Variants in DCC observed in about 807,000 individuals in gnomAD.
The protein encoded by DCC is netrin receptor DCC.
DCC carries 58 observed loss-of-function variants against 172.5 expected under a neutral mutation model. The ratio of observed to expected loss-of-function variants is 0.34; its 90% CI spans 0.27 to 0.42. The LOEUF (loss-of-function observed/expected upper bound fraction) is 0.42, where lower values mean the gene tolerates loss of function less well. DCC is among the 10% of genes least tolerant of loss of function. DCC has a pLI of 1.00. For missense variants in DCC, 1,740 were observed against 1,791.0 expected, an observed-to-expected ratio of 0.97 and a Z score of 0.51; for synonymous variants, 709 against 644.5, an observed-to-expected ratio of 1.10 and a Z score of -1.52.
intron 1 of DCC, among the ~76,000 whole-genome samples, chr18:52,365,145 C>G (rs1598864538): frequency 6.6e-6 from 1 of 152,180 alleles, no homozygotes; most frequent in African/African-American, 2.4e-5. Context: ...CTTCCTTGCT[C>G]TCTGATCTTA....
At chr18:53,275,815 C>G (rs1254996053) in intron 12 of DCC, among the ~76,000 whole-genome samples, 9 of 152,026 alleles carry the variant, frequency 5.9e-5, no homozygotes, top group African/African-American at 2.2e-4. Context: ...ATGTTATTGA[C>G]TATAATTTTT....
intron 9 of DCC, among the ~76,000 whole-genome samples, chr18:53,201,123 C>T (rs533823354): frequency 6.6e-5 from 10 of 152,260 alleles, no homozygotes; most frequent in Non-Finnish European, 1.3e-4. Flanking sequence ...CTCCCTTTCC[C>T]TTCCCCCAGA....
At chr18:52,893,537 T>C (rs570949263) in intron 2 of DCC, among the ~76,000 whole-genome samples, 2 of 152,256 alleles carry the variant, frequency 1.3e-5, no homozygotes, top group South Asian at 2.1e-4. Flanking sequence ...AATAGGGAAA[T>C]GTCTTGCCAA....
intron 1 of DCC, among the ~76,000 whole-genome samples, chr18:52,541,891 ATATATGTG>A (rs2032469089): frequency 8.6e-6 from 1 of 115,798 alleles, no homozygotes; most frequent in Non-Finnish European, 1.9e-5. Flanking sequence ...ATATATATAT[ATATATGTG>A]TATATATATA....
rs1380135250 is a variant in DCC at position 53,305,676 on chromosome 18, G to C, written c.2010G>C (p.Glu670Asp). ...IRHRKTTRRG[E>D]METLEPNNLW... Reference sequence around the variant, plus strand: ...ACAGAAAGACGACCCGCAGGGGTGAGATGGAAACACTGGAGCCAAACAACC... The same window carrying C: ...ACAGAAAGACGACCCGCAGGGGTGACATGGAAACACTGGAGCCAAACAACC... The change falls in exon 13 of 29, where the codon GAG becomes GAC. Residue 670 changes from glutamate (E) to aspartate (D), a missense_variant. Physicochemically the swap from Glu to Asp is conservative, Grantham distance 45 (BLOSUM62 2). This residue lies in a region of DCC where 1,732 missense variants were observed against 1,767.4 expected (regional missense o/e 0.98). Coordinates refer to ENST00000442544, the MANE Select transcript of DCC (RefSeq NM_005215.4). The C allele has an allele frequency of 3.7e-6, 6 of 1,613,934 alleles. No individual in the cohort carries two copies. The highest frequency in any genetic ancestry group is 2.2e-5 in the South Asian group (2 of 91,078).
At chr18:52,704,295 A>G (rs2036171522) in intron 1 of DCC, among the ~76,000 whole-genome samples, 1 of 152,122 alleles carries the variant, frequency 6.6e-6, no homozygotes, top group African/African-American at 2.4e-5. Context: ...CCCTTACAAC[A>G]TGGATAGTCC....
chr18:52,950,925 G>A (rs1263379121), intron 5 of DCC, among the ~76,000 whole-genome samples: 26 of 75,762 alleles, frequency 3.4e-4, no homozygotes, highest in Middle Eastern at 7.0e-3. Context: ...GTGAGACTCC[G>A]TCTCAAAAAA....
intron 5 of DCC, among the ~76,000 whole-genome samples, chr18:52,951,879 C>T (rs1453966491): frequency 2.6e-5 from 4 of 152,222 alleles, no homozygotes; most frequent in Admixed American, 6.5e-5. Flanking sequence ...TGCTTATTTC[C>T]ATGATAAGGA....
rs573734750 is a variant in DCC, at chr18:52,752,244, T to G, written c.282T>G (p.Asn94Lys). ...ATGAAAGGAAGCAGCAACTTTCAAA[T>G]GGGTCTCTGCTGATACAAAACATAC... is the stretch of plus-strand genomic sequence containing the variant. ...GMDERKQQLS[N>K]GSLLIQNILH... Residue 94 changes from asparagine to lysine, a missense_variant, in exon 2 of 29, where the codon AAT (asparagine) becomes AAG (lysine). By Grantham distance (94) the Asn-to-Lys change is moderately conservative (BLOSUM62 0). Transcript: ENST00000442544. 1 of 1,614,170 alleles carries G rather than the reference T, an allele frequency of 6.2e-7. No homozygotes were observed. The highest frequency in any genetic ancestry group is 1.1e-5 in the South Asian group (1 of 91,086).
intron 12 of DCC, among the ~76,000 whole-genome samples, chr18:53,229,538 T>G (rs1363024948): frequency 6.6e-6 from 1 of 152,096 alleles, no homozygotes; most frequent in Non-Finnish European, 1.5e-5. Flanking sequence ...AATACACATC[T>G]CCTCCCAGCT....
intron 15 of DCC, among the ~76,000 whole-genome samples, chr18:53,348,577 A>G (rs1283439060): frequency 6.6e-6 from 1 of 152,126 alleles, no homozygotes; most frequent in African/African-American, 2.4e-5. Flanking sequence ...GGGACTCTGT[A>G]TGGGGGCTCT....
At chr18:52,645,808 C>T (rs1197519298) in intron 1 of DCC, among the ~76,000 whole-genome samples, 1 of 152,200 alleles carries the variant, frequency 6.6e-6, no homozygotes, top group Admixed American at 6.5e-5. Context: ...ATTTATTAAT[C>T]TTAGCTGAAA....
At chr18:52,843,028 G>A (rs1187085884) in intron 2 of DCC, among the ~76,000 whole-genome samples, 1 of 152,166 alleles carries the variant, frequency 6.6e-6, no homozygotes, top group Admixed American at 6.6e-5. Flanking sequence ...TAGCTAATCA[G>A]ATGAAGTCTG....
At chr18:52,809,615 TG>T (rs1474416704) in intron 2 of DCC, among the ~76,000 whole-genome samples, 1 of 152,152 alleles carries the variant, frequency 6.6e-6, no homozygotes, top group Non-Finnish European at 1.5e-5. Context: ...CTGCTGGATC[TG>T]GAGGGGTGGA....
chr18:52,945,090 TGAA>T (rs1437769364), intron 5 of DCC, among the ~76,000 whole-genome samples: 2 of 152,208 alleles, frequency 1.3e-5, no homozygotes, highest in Non-Finnish European at 2.9e-5. Flanking sequence ...CATTTATAAA[TGAA>T]GACCAGTCAC....
chr18:52,987,754 C>A (rs2041318623), intron 5 of DCC, among the ~76,000 whole-genome samples: 1 of 152,158 alleles, frequency 6.6e-6, no homozygotes, highest in South Asian at 2.1e-4. Flanking sequence ...TGGTCATTGA[C>A]TTTTTTCTCC....
intron 1 of DCC, among the ~76,000 whole-genome samples, chr18:52,647,099 A>G (rs1275731058): frequency 6.6e-6 from 1 of 152,180 alleles, no homozygotes; most frequent in Non-Finnish European, 1.5e-5. Context: ...TTAACACCAC[A>G]GTGTTATTCT....
intron 1 of DCC, among the ~76,000 whole-genome samples, chr18:52,350,867 A>G (rs1053599311): frequency 6.6e-6 from 1 of 152,124 alleles, no homozygotes; most frequent in Non-Finnish European, 1.5e-5. Context: ...TGTTGCTGTA[A>G]AAACATCTCC....
At chr18:53,125,831 C>A (rs2043547997) in intron 7 of DCC, among the ~76,000 whole-genome samples, 1 of 152,128 alleles carries the variant, frequency 6.6e-6, no homozygotes, top group East Asian at 1.9e-4. Context: ...ATAAGCACAT[C>A]ATATACAAGA....
Sources: allele counts gnomAD v4.1 joint callset (sites outside exome capture counted in the v4.1 genomes callset), GRCh38; gene constraint gnomAD v4.1.1; regional missense constraint gnomAD v4.1.1; transcripts MANE v1.5; gene names NCBI Gene and HGNC (gene_info 2026-07-23, HGNC 2026-07-21).